Variants in PRKN observed in about 807,000 individuals in gnomAD.
PRKN encodes the protein E3 ubiquitin-protein ligase parkin.
A neutral mutation model predicts 59.5 loss-of-function variants in PRKN; 56 were observed. The observed-to-expected ratio is 0.94, with a 90% CI of 0.76 to 1.18. The LOEUF (loss-of-function observed/expected upper bound fraction) is 1.18, where lower values mean the gene tolerates loss of function less well. Ranked by LOEUF, PRKN falls within the 50% of genes most tolerant of loss-of-function variation. PRKN has a pLI of 0.00. For synonymous variants in PRKN, 250 were observed against 222.1 expected (o/e 1.13, Z -1.12); for missense variants, 657 against 596.4 (o/e 1.10, Z -1.06).
intron 2 of PRKN, among the ~76,000 whole-genome samples, chr6:162,304,987 T>G (rs151102049): frequency 6.6e-6 from 1 of 152,180 alleles, no homozygotes; most frequent in Admixed American, 6.5e-5. Context: ...ATAGGTCACA[T>G]TCAGCTGCTG....
In PRKN at chr6:161,566,970, C is replaced by T. The variant is rs1438563614; in HGVS notation, c.933+2385G>A. Among the ~76,000 whole-genome samples, 1 of 151,980 alleles carries T rather than the reference C, an allele frequency of 6.6e-6. No individual in the cohort carries two copies. Among genetic ancestry groups the T allele is most frequent in the Non-Finnish European group, 1.5e-5 (1 of 68,020 alleles). On this transcript the variant is annotated intron_variant, in intron 8 of 11. Coordinates refer to ENST00000366898, the MANE Select transcript of PRKN (RefSeq NM_004562.3). The surrounding 1 kb of genome is among the most constrained non-coding windows in gnomAD (Gnocchi z 4.1). The stretch of plus-strand genomic sequence containing the variant: ...CTGTCACCTGCTCAGTGAAACTTTC[C>T]CTGACCACCTTATATAAAATTTCAC...
intron 2 of PRKN, among the ~76,000 whole-genome samples, chr6:162,406,169 C>T (rs1353500478): frequency 6.6e-6 from 1 of 152,188 alleles, no homozygotes; most frequent in Non-Finnish European, 1.5e-5. Context: ...CATTCACTTA[C>T]TCAACCTTCA....
intron 2 of PRKN, among the ~76,000 whole-genome samples, chr6:162,387,234 CAAA>C (rs34452454): frequency 0.013 from 1,349 of 101,186 alleles, 14 homozygotes; most frequent in South Asian, 0.02. Flanking sequence ...AAAAAATAAG[CAAA>C]AAAAAAAAAA....
intron 1 of PRKN, among the ~76,000 whole-genome samples, chr6:162,473,019 T>C (rs895208362): frequency 6.6e-5 from 10 of 151,990 alleles, no homozygotes; most frequent in Non-Finnish European, 1.5e-4. Flanking sequence ...CAGTCTTTCC[T>C]ACTCAGGTCC....
intron 1 of PRKN, among the ~76,000 whole-genome samples, chr6:162,684,595 T>C (rs914201024): frequency 1.3e-5 from 2 of 152,174 alleles, no homozygotes; most frequent in African/African-American, 2.4e-5. Context: ...ATTGTCAATG[T>C]TGCTGATTCT....
At chr6:162,673,490 G>A (rs2849540) in intron 1 of PRKN, among the ~76,000 whole-genome samples, 126,281 of 152,158 alleles carry the variant, frequency 0.83, 52,722 homozygotes, top group East Asian at 0.98. Context: ...GGCTCACACC[G>A]TGCTCCCACT....
intron 4 of PRKN, among the ~76,000 whole-genome samples, chr6:162,195,110 A>G (rs1436194231): frequency 6.6e-6 from 1 of 152,188 alleles, no homozygotes; most frequent in East Asian, 1.9e-4. Flanking sequence ...TTCGCTGTAG[A>G]TTTAACACTG....
At chr6:161,664,412 TA>T (rs2128166581) in intron 7 of PRKN, among the ~76,000 whole-genome samples, 1 of 152,330 alleles carries the variant, frequency 6.6e-6, no homozygotes, top group Non-Finnish European at 1.5e-5. Context: ...TTCAGCTTTC[TA>T]AATGGCCAGG....
chr6:161,772,055 G>A (rs2128202883), intron 7 of PRKN, among the ~76,000 whole-genome samples: 1 of 152,192 alleles, frequency 6.6e-6, no homozygotes, highest in African/African-American at 2.4e-5. Context: ...TATGTAAGTG[G>A]CCAAAGCAAC....
chr6:162,607,647 A>G (rs1781977097), intron 1 of PRKN, among the ~76,000 whole-genome samples: 2 of 152,164 alleles, frequency 1.3e-5, no homozygotes, highest in Non-Finnish European at 2.9e-5. Context: ...GATAATCAAT[A>G]GAGTTAACTT....
chr6:161,514,192 G>GA (rs905673948), intron 9 of PRKN, among the ~76,000 whole-genome samples: 6 of 151,774 alleles, frequency 4.0e-5, no homozygotes, highest in Admixed American at 1.3e-4. Flanking sequence ...AGAGAGAGTG[G>GA]AAAAAAACAA....
At chr6:162,029,705 A>C (rs1783567949) in intron 5 of PRKN, among the ~76,000 whole-genome samples, 1 of 152,188 alleles carries the variant, frequency 6.6e-6, no homozygotes, top group Admixed American at 6.5e-5. Flanking sequence ...GTATTTGCTT[A>C]ATTGTCCTGG....
chr6:162,387,023 G>C (rs976909370), intron 2 of PRKN, among the ~76,000 whole-genome samples: 3 of 151,902 alleles, frequency 2.0e-5, no homozygotes, highest in Non-Finnish European at 2.9e-5. Flanking sequence ...TAATTAAAAA[G>C]TCGACTTGAG....
At chr6:162,637,916 A>T (rs1283967190) in intron 1 of PRKN, among the ~76,000 whole-genome samples, 1 of 152,154 alleles carries the variant, frequency 6.6e-6, no homozygotes, top group Non-Finnish European at 1.5e-5. Flanking sequence ...GCATAAAACT[A>T]TGGCCCTAAA....
chr6:161,375,091 G>A (rs62435877), intron 10 of PRKN, among the ~76,000 whole-genome samples: 14,046 of 151,818 alleles, frequency 0.093, 750 homozygotes, highest in African/African-American at 0.14. Flanking sequence ...CAGGGGACCC[G>A]CAGGCCGTGA....
At position 161,566,127 on chromosome 6, in the gene PRKN, T is replaced by C. The variant is rs2115471455; in HGVS notation, c.933+3228A>G. ...CAGCTACCTCATTTCTTTGCTTTCC[T>C]CTTCAGCTAAGTTCCCAGTTGCCAA... On this transcript the variant is annotated intron_variant, in intron 8 of 11. Coordinates refer to ENST00000366898, the MANE Select transcript of PRKN (RefSeq NM_004562.3). The surrounding 1 kb of genome is among the most constrained non-coding windows in gnomAD (Gnocchi z 4.1). 6.6e-6 allele frequency among the ~76,000 whole-genome samples: 1 copy of C among 152,350 alleles called. No individual in the cohort carries two copies. The highest frequency in any genetic ancestry group is 2.4e-5 in the African/African-American group (1 of 41,588).
At chr6:162,223,104 C>T (rs1325531970) in intron 3 of PRKN, among the ~76,000 whole-genome samples, 1 of 148,918 alleles carries the variant, frequency 6.7e-6, no homozygotes, top group African/African-American at 2.5e-5. Context: ...TGAGAACATG[C>T]GGTGTTTGGT....
At chr6:161,680,767 ATATATATATTTTTT>A (rs1785317843) in intron 7 of PRKN, among the ~76,000 whole-genome samples, 1 of 12,240 alleles carries the variant, frequency 8.2e-5, no homozygotes, top group East Asian at 3.9e-3. Context: ...ATATATATAT[ATATATATATTTTTT>A]TTTTTTTTTC....
rs908364052 is a variant in PRKN, at chr6:161,855,104, A to G, written c.735-69196T>C. Among the ~76,000 whole-genome samples the G allele has an allele frequency of 1.9e-4, 29 of 151,638 alleles. No individual in the cohort carries two copies. In the East Asian group the frequency reaches 3.5e-3, roughly 18 times the overall value. Reference sequence around the variant, plus strand: ...TCTCAAAAAAAAAAAAAAAAGAAAAAAAAAAAGAAAAAGAAAAGTGGTTCT... The same window carrying G: ...TCTCAAAAAAAAAAAAAAAAGAAAAGAAAAAAGAAAAAGAAAAGTGGTTCT... On this transcript the variant is annotated intron_variant, in intron 6 of 11. Coordinates refer to ENST00000366898, the MANE Select transcript of PRKN (RefSeq NM_004562.3).
Sources: allele counts gnomAD v4.1 joint callset (sites outside exome capture counted in the v4.1 genomes callset), GRCh38; gene constraint gnomAD v4.1.1; non-coding constraint Gnocchi (gnomAD v3.1); transcripts MANE v1.5; gene names NCBI Gene and HGNC (gene_info 2026-07-23, HGNC 2026-07-21).